GLIPR2: variants seen among roughly 807,000 people sequenced by gnomAD.
The protein encoded by GLIPR2 is GLI pathogenesis related 2.
A neutral mutation model predicts 20.4 loss-of-function variants in GLIPR2; 21 were observed. That is an observed-to-expected ratio of 1.03 (90% CI 0.73 to 1.48). The LOEUF (loss-of-function observed/expected upper bound fraction) is 1.48. Among genes scored for constraint, GLIPR2 ranks in the 40% most tolerant of loss-of-function variants. The pLI is 0.00. For missense variants in GLIPR2, 205 were observed against 200.1 expected (o/e 1.02, Z -0.15); for synonymous variants, 91 against 80.5 (o/e 1.13, Z -0.70).
chr9:36,156,385 T>TAAAAAAAA (rs58467311), intron 4 of GLIPR2, among the ~76,000 whole-genome samples: 2 of 77,720 alleles, frequency 2.6e-5, no homozygotes, highest in Non-Finnish European at 4.7e-5. Flanking sequence ...AAGCCATGTC[T>TAAAAAAAA]AAAAAAAAAA....
intron 1 of GLIPR2, chr9:36,141,813 A>C (rs554063080): frequency 7.3e-5 from 33 of 450,188 alleles, no homozygotes; most frequent in Non-Finnish European, 1.3e-4. Flanking sequence ...GTCACCACGC[A>C]TGGCTAATTT....
At chr9:36,156,450 A>AT (rs1195799490) in intron 4 of GLIPR2, among the ~76,000 whole-genome samples, 1 of 151,242 alleles carries the variant, frequency 6.6e-6, no homozygotes, top group Admixed American at 6.6e-5. Context: ...AAAATTTACC[A>AT]TTTTAACCAT....
At chr9:36,152,947 A>C (rs1825661026) in intron 4 of GLIPR2, among the ~76,000 whole-genome samples, 1 of 122,936 alleles carries the variant, frequency 8.1e-6, no homozygotes, top group Non-Finnish European at 1.7e-5. Flanking sequence ...TCTCTACTGA[A>C]AGTGCAAAAA....
rs116582754 is a variant in GLIPR2, at chr9:36,138,211, C to T, written c.13+1420C>T. On this transcript the variant is annotated intron_variant, in intron 1 of 4. Coordinates refer to ENST00000377960, the MANE Select transcript of GLIPR2 (RefSeq NM_022343.4). Reference sequence around the variant, plus strand: ...ATTTGTGGAGAAAATCCACAAATTCCCTTAGGCTACTTTTTTTTTTTCTTT... The same window carrying T: ...ATTTGTGGAGAAAATCCACAAATTCTCTTAGGCTACTTTTTTTTTTTCTTT... Among the ~76,000 whole-genome samples the T allele has an allele frequency of 1.6e-3, 249 of 152,020 alleles. 2 individuals are homozygous for T. Among genetic ancestry groups the T allele is most frequent in the African/African-American group, 5.6e-3 (233 of 41,366 alleles).
intron 1 of GLIPR2, among the ~76,000 whole-genome samples, chr9:36,147,236 T>C (rs1327368000): frequency 6.6e-6 from 1 of 152,334 alleles, no homozygotes; most frequent in East Asian, 1.9e-4. Flanking sequence ...CTCTGTCTCC[T>C]TGGCTTCACC....
intron 4 of GLIPR2, among the ~76,000 whole-genome samples, chr9:36,156,373 T>G (rs1587154181): frequency 2.9e-5 from 3 of 102,290 alleles, no homozygotes; most frequent in African/African-American, 4.0e-5. Context: ...GACAACAGAG[T>G]GAAGCCATGT....
chr9:36,138,425 G>C (rs193069436), intron 1 of GLIPR2, among the ~76,000 whole-genome samples: 1 of 151,968 alleles, frequency 6.6e-6, no homozygotes, highest in Non-Finnish European at 1.5e-5. Flanking sequence ...GGGTTTCACC[G>C]TGTTGGTCAG....
At chr9:36,151,825 C>T (rs1015712182) in intron 4 of GLIPR2, among the ~76,000 whole-genome samples, 4 of 152,172 alleles carry the variant, frequency 2.6e-5, no homozygotes, top group Non-Finnish European at 1.5e-5. Flanking sequence ...TCCTCAAAAC[C>T]GACTCAGGCG....
At chr9:36,152,750 C>CAAA (rs1217889590) in intron 4 of GLIPR2, among the ~76,000 whole-genome samples, 21 of 41,622 alleles carry the variant, frequency 5.0e-4, no homozygotes, top group East Asian at 1.9e-3. Flanking sequence ...AACTCTGTCT[C>CAAA]AAAAAAAAAA....
chr9:36,161,041 CA>C (rs201481260), intron 4 of GLIPR2, among the ~76,000 whole-genome samples: 7 of 141,798 alleles, frequency 4.9e-5, no homozygotes, highest in African/African-American at 7.8e-5. Context: ...AGACTCGTCT[CA>C]AAAAAAAAAG....
At chr9:36,139,249 G>A (rs1352782940) in intron 1 of GLIPR2, among the ~76,000 whole-genome samples, 11 of 152,088 alleles carry the variant, frequency 7.2e-5, no homozygotes, top group Admixed American at 7.2e-4. Flanking sequence ...CTCAGGAGAG[G>A]AGGGGGCCAG....
chr9:36,146,626 TA>T (rs1825338699), intron 1 of GLIPR2, among the ~76,000 whole-genome samples: 1 of 152,218 alleles, frequency 6.6e-6, no homozygotes, highest in Non-Finnish European at 1.5e-5. Flanking sequence ...AGGCATAGGA[TA>T]GATACTCTCA....
chr9:36,150,832 T>C (rs752605518), intron 3 of GLIPR2, 40 bp from the exon 4 acceptor site: 5 of 1,494,354 alleles, frequency 3.3e-6, no homozygotes, highest in Non-Finnish European at 4.6e-6. Flanking sequence ...AGTGGGTGGA[T>C]TTTGTGGCTG....
chr9:36,159,463 T>C (rs1192402445), intron 4 of GLIPR2, among the ~76,000 whole-genome samples: 2 of 152,226 alleles, frequency 1.3e-5, no homozygotes, highest in Non-Finnish European at 2.9e-5. Flanking sequence ...ATTTTACACT[T>C]TTCATGTGCC....
chr9:36,157,733 T>C (rs2132781909), intron 4 of GLIPR2, among the ~76,000 whole-genome samples: 1 of 151,966 alleles, frequency 6.6e-6, no homozygotes, highest in South Asian at 2.1e-4. Flanking sequence ...TACACATATA[T>C]ACATATATAT....
intron 3 of GLIPR2, among the ~76,000 whole-genome samples, chr9:36,149,545 G>A (rs554255625): frequency 3.3e-4 from 50 of 149,864 alleles, no homozygotes; most frequent in Middle Eastern, 3.4e-3. Flanking sequence ...GATGGGCCCC[G>A]GGAGAAGGGC....
At position 36,163,328 on chromosome 9, in the gene GLIPR2, A is replaced by T; in HGVS notation, c.*806A>T. 5.6e-6 allele frequency: 1 copy of T among 178,836 alleles called. No individual in the cohort carries two copies. Among genetic ancestry groups the T allele is most frequent in the Non-Finnish European group, 1.2e-5 (1 of 84,660 alleles). The allele number at this position is 178,836 out of a possible 1,614,324, so 11.1% of individuals were successfully genotyped here. On this transcript the variant is annotated 3_prime_UTR_variant, in exon 5 of 5. Transcript: ENST00000377960. The stretch of plus-strand genomic sequence containing the variant: ...TCCCCCTCCCCCACCTCTGCTAGGC[A>T]GCCCAGGCCTGGTCTGGGAGACAGC...
intron 4 of GLIPR2, among the ~76,000 whole-genome samples, chr9:36,153,971 C>T (rs1223094313): frequency 6.6e-6 from 1 of 151,548 alleles, no homozygotes; most frequent in Middle Eastern, 3.4e-3. Flanking sequence ...CCAGCCCCAC[C>T]CAGGCCAGGC....
chr9:36,138,408 A>G (rs1587123397), intron 1 of GLIPR2, among the ~76,000 whole-genome samples: 1 of 152,056 alleles, frequency 6.6e-6, no homozygotes, highest in East Asian at 1.9e-4. Context: ...TATTTTTAGT[A>G]GAGACAGGGT....
Sources: gnomAD v4.1 joint callset for allele counts (sites outside exome capture counted in the v4.1 genomes callset) on GRCh38, gnomAD v4.1.1 for gene constraint, MANE v1.5 for transcripts, NCBI Gene and HGNC (gene_info 2026-07-23, HGNC 2026-07-21) for gene names.